Variants in RRM1 observed in about 807,000 individuals in gnomAD.
The protein encoded by RRM1 is ribonucleotide reductase catalytic subunit M1.
In RRM1, 19 loss-of-function variants were observed where a neutral mutation model predicts 101.5. The observed-to-expected ratio is 0.19, with a 90% CI of 0.13 to 0.27. The LOEUF (loss-of-function observed/expected upper bound fraction) is 0.27. Among genes scored for constraint, RRM1 ranks in the 10% least tolerant of loss-of-function variants. The pLI is 1.00. For missense variants in RRM1, 500 were observed against 962.9 expected, an observed-to-expected ratio of 0.52 and a Z score of 6.36; for synonymous variants, 298 against 323.4, an observed-to-expected ratio of 0.92 and a Z score of 0.84.
chr11:4,118,280 C>A, intron 7 of RRM1, 40 bp from the exon 8 acceptor site: 3 of 1,532,726 alleles, frequency 2.0e-6, no homozygotes, highest in South Asian at 1.2e-5. Flanking sequence ...GACTCTGCTT[C>A]ATTTCCTTGC....
intron 18 of RRM1, among the ~76,000 whole-genome samples, chr11:4,137,684 ACCTC>A (rs1188808896): frequency 0.099 from 1,226 of 12,430 alleles, 429 homozygotes; most frequent in East Asian, 0.44. Flanking sequence ...TGACCCCCCC[ACCTC>A]CCTCCCGGAC....
intron 3 of RRM1, 39 bp downstream of exon 3, chr11:4,106,262 A>G (rs1440859733): frequency 4.0e-6 from 6 of 1,507,686 alleles, no homozygotes. Flanking sequence ...TAGTACTCTC[A>G]GAAAAGTAAT....
chr11:4,098,605 T>TA (rs2094546774), intron 1 of RRM1, among the ~76,000 whole-genome samples: 1 of 152,138 alleles, frequency 6.6e-6, no homozygotes, highest in Non-Finnish European at 1.5e-5. Context: ...ATATGATAAA[T>TA]ACTCTGATAG....
intron 2 of RRM1, 102 bp from the exon 3 acceptor site, chr11:4,105,944 A>G (rs2094557777): frequency 2.2e-6 from 2 of 895,624 alleles, no homozygotes; most frequent in African/African-American, 3.4e-5. Flanking sequence ...GACTATAGGC[A>G]TGTACTACCA....
chr11:4,133,712 A>G (rs1441871660), intron 17 of RRM1, 54 bp downstream of exon 17: 2 of 984,286 alleles, frequency 2.0e-6, no homozygotes, highest in Non-Finnish European at 3.2e-6. Context: ...ACATTGTGGT[A>G]CCTCCTCACT....
intron 1 of RRM1, chr11:4,099,281 A>G (rs1407339281): frequency 1.5e-5 from 2 of 135,416 alleles, no homozygotes; most frequent in South Asian, 4.9e-4. Flanking sequence ...CTGGGATTAC[A>G]GCATACCCAG....
intron 7 of RRM1, among the ~76,000 whole-genome samples, chr11:4,114,269 C>T (rs114341442): frequency 0.011 from 1,653 of 151,484 alleles, 34 homozygotes; most frequent in African/African-American, 0.038. Flanking sequence ...AATATGAAGG[C>T]CTGGCTGGGC....
At chr11:4,098,576 A>G (rs1168684319) in intron 1 of RRM1, among the ~76,000 whole-genome samples, 1 of 152,224 alleles carries the variant, frequency 6.6e-6, no homozygotes, top group Non-Finnish European at 1.5e-5. Context: ...ATAGACAAAT[A>G]AAGAAGTAAT....
Position 4,121,779 on chromosome 11 carries a change from A to T in RRM1, c.1038+14A>T. ...GAGACTAATCAGGTGAGAGATAGGTACTTGTTGGTAATAGCAACTTGATTC... is the reference window on the plus strand; with the variant it reads ...GAGACTAATCAGGTGAGAGATAGGTTCTTGTTGGTAATAGCAACTTGATTC... On this transcript the variant is annotated intron_variant, in intron 10 of 18. Coordinates refer to ENST00000300738, the MANE Select transcript of RRM1 (RefSeq NM_001033.5). 6.3e-7 allele frequency: 1 copy of T among 1,576,814 alleles called. No homozygotes were observed. Among genetic ancestry groups the T allele is most frequent in the Non-Finnish European group, 8.6e-7 (1 of 1,165,118 alleles).
chr11:4,126,747 G>A lies in RRM1; in HGVS notation c.1384G>A (p.Asp462Asn), dbSNP rs995153942. ...NMYVTSEHTY[D>N]FKKLAEVTKV... is the part of the protein sequence containing the mutation. ...GTATGTCACATCAGAACACACATAC[G>A]ACTTTAAGAAGTTGGCTGAAGTCAC... Residue 462 changes from aspartate to asparagine, a missense_variant, in exon 13 of 19, where the codon GAC (aspartate) becomes AAC (asparagine). Physicochemically the swap from Asp to Asn is conservative, Grantham distance 23. Coordinates refer to ENST00000300738, the MANE Select transcript of RRM1 (RefSeq NM_001033.5). The A allele has an allele frequency of 1.9e-6, 3 of 1,613,758 alleles. No individual in the cohort carries two copies. Among genetic ancestry groups the A allele is most frequent in the South Asian group, 1.1e-5 (1 of 91,060 alleles).
chr11:4,121,091 GTTGT>G (rs1377038783), intron 9 of RRM1, among the ~76,000 whole-genome samples: 6 of 152,302 alleles, frequency 3.9e-5, no homozygotes, highest in South Asian at 2.1e-4. Context: ...AGAGAATTGG[GTTGT>G]TTACCTTATT....
intron 16 of RRM1, 29 bp from the exon 17 acceptor site, chr11:4,133,534 C>A (rs1187088062): frequency 2.2e-6 from 3 of 1,377,206 alleles, no homozygotes; most frequent in South Asian, 2.4e-5. Context: ...TTATTTATTT[C>A]TTCATACATT....
At position 4,094,881 on chromosome 11, in the gene RRM1, CCAACTCCAGTTCTTTCCCCTGAG is replaced by C; in HGVS notation, c.-129_-107del. 1 of 928,034 alleles carries C rather than the reference CCAACTCCAGTTCTTTCCCCTGAG, an allele frequency of 1.1e-6. No individual in the cohort carries two copies. Among genetic ancestry groups the C allele is most frequent in the Non-Finnish European group, 1.7e-6 (1 of 584,242 alleles). 57.5% of individuals were successfully genotyped at this position (928,034 alleles called of 1,614,324 possible). A position where few individuals can be genotyped will look rare whatever the true frequency, so the allele number is the denominator to read the frequency against. On this transcript the variant is annotated 5_prime_UTR_variant, in exon 1 of 19. Coordinates refer to ENST00000300738, the MANE Select transcript of RRM1 (RefSeq NM_001033.5). The stretch of plus-strand genomic sequence containing the variant: ...GCTCTGAAGAAAGTGCTGTCTGGCT[CCAACTCCAGTTCTTTCCCCTGAG>C]CAGCGCCTGGAACCTAACCCTTCCC...
At chr11:4,103,192 G>C (rs1354505763) in intron 2 of RRM1, among the ~76,000 whole-genome samples, 2 of 152,132 alleles carry the variant, frequency 1.3e-5, no homozygotes, top group African/African-American at 4.8e-5. Flanking sequence ...TCTTATTCTT[G>C]TGATATCCTC....
intron 2 of RRM1, among the ~76,000 whole-genome samples, chr11:4,104,387 G>T (rs927741413): frequency 2.0e-5 from 3 of 152,168 alleles, no homozygotes; most frequent in Admixed American, 6.5e-5. Context: ...GCATTGTTCA[G>T]CTGGGAAACA....
At chr11:4,127,004 C>A in intron 13 of RRM1, 31 bp from the exon 14 acceptor site, 1 of 1,571,920 alleles carries the variant, frequency 6.4e-7, no homozygotes, top group Non-Finnish European at 8.6e-7. Context: ...GTAATGTTTT[C>A]TCCTTTTCTT....
At chr11:4,105,578 C>CTTT (rs55705631) in intron 2 of RRM1, 25,772 of 273,458 alleles carry the variant, frequency 0.094, 171 homozygotes, top group South Asian at 0.14. Flanking sequence ...TTTTTCTTTC[C>CTTT]TTTTTTTTTT....
rs376894348 is a variant in RRM1, at chr11:4,118,491, G to A, written c.792+30G>A. ...GTTTCTGCCATTTGACTTTTAAAGG[G>A]GGATTCAAGTCTAAAAGCAAACAGA... On this transcript the variant is annotated intron_variant, in intron 8 of 18. Coordinates refer to ENST00000300738, the MANE Select transcript of RRM1 (RefSeq NM_001033.5). 8.5e-5 allele frequency: 137 copies of A among 1,612,668 alleles called. No individual in the cohort carries two copies. In the African/African-American group the frequency reaches 1.3e-3, roughly 15 times the overall value.
At chr11:4,133,540 A>G (rs760577557) in intron 16 of RRM1, 23 bp from the exon 17 acceptor site, 2 of 1,446,192 alleles carry the variant, frequency 1.4e-6, no homozygotes, top group East Asian at 2.3e-5. Flanking sequence ...ATTTCTTCAT[A>G]CATTTTCTGC....
Sources: gnomAD v4.1 joint callset for allele counts (sites outside exome capture counted in the v4.1 genomes callset) on GRCh38, gnomAD v4.1.1 for gene constraint, MANE v1.5 for transcripts, NCBI Gene and HGNC (gene_info 2026-07-23, HGNC 2026-07-21) for gene names.